Variants in TMCO4 observed in about 807,000 individuals in gnomAD.
TMCO4 encodes the protein transmembrane and coiled-coil domain-containing protein 4.
Under a neutral mutation model 64.7 loss-of-function variants are expected in TMCO4, and 58 were observed. The observed-to-expected ratio is 0.90, with a 90% CI of 0.73 to 1.12. The LOEUF (loss-of-function observed/expected upper bound fraction) is 1.12. Among genes scored for constraint, TMCO4 ranks in the 50% most tolerant of loss-of-function variants. The pLI, the probability that TMCO4 is intolerant of heterozygous loss-of-function variation, is 0.00. For synonymous variants in TMCO4, 325 were observed against 346.1 expected, an observed-to-expected ratio of 0.94 and a Z score of 0.68; for missense variants, 780 against 825.9, an observed-to-expected ratio of 0.94 and a Z score of 0.68.
chr1:19,740,503 G>T (rs1364121666), intron 11 of TMCO4, among the ~76,000 whole-genome samples: 1 of 152,180 alleles, frequency 6.6e-6, no homozygotes, highest in East Asian at 1.9e-4. Context: ...CCAGCCTCCT[G>T]AGCTATTACA....
At chr1:19,757,419 A>G (rs1184230491) in intron 6 of TMCO4, among the ~76,000 whole-genome samples, 1 of 151,274 alleles carries the variant, frequency 6.6e-6, no homozygotes, top group Non-Finnish European at 1.5e-5. Flanking sequence ...TCTCCCTTTT[A>G]TGAAGACCTT....
chr1:19,764,435 C>T (rs1259079478), intron 6 of TMCO4, among the ~76,000 whole-genome samples: 1 of 152,256 alleles, frequency 6.6e-6, no homozygotes, highest in Admixed American at 6.5e-5. Flanking sequence ...AGTAGGCACT[C>T]AACGAGCATG....
chr1:19,780,587 C>CG lies in TMCO4; in HGVS notation c.171dup (p.Glu58ArgfsTer21). ...CAAGACAGAAGAACTCACCTGTGTT[C>CG]GGGTTCAGGAAATAACTGGGACAGG... On this transcript the variant is annotated frameshift_variant, in exon 4 of 16. Coordinates refer to ENST00000294543, the MANE Select transcript of TMCO4 (RefSeq NM_181719.7). LOFTEE classifies it high-confidence loss of function. 1 of 1,598,120 alleles carries CG rather than the reference C, an allele frequency of 6.3e-7. No homozygotes were observed. Among genetic ancestry groups the CG allele is most frequent in the Non-Finnish European group, 8.5e-7 (1 of 1,173,138 alleles).
intron 13 of TMCO4, among the ~76,000 whole-genome samples, chr1:19,710,631 G>T (rs1478538376): frequency 6.6e-6 from 1 of 152,192 alleles, no homozygotes; most frequent in Admixed American, 6.5e-5. Flanking sequence ...AAGTGGCATG[G>T]TGGAATTTGG....
At chr1:19,687,523 T>C (rs1408742009) in intron 15 of TMCO4, among the ~76,000 whole-genome samples, 1 of 152,196 alleles carries the variant, frequency 6.6e-6, no homozygotes, top group Non-Finnish European at 1.5e-5. Context: ...TGAGTTCCCT[T>C]ACCTTAGTTT....
intron 13 of TMCO4, among the ~76,000 whole-genome samples, chr1:19,735,323 G>A (rs1352428022): frequency 6.6e-6 from 1 of 152,198 alleles, no homozygotes; most frequent in African/African-American, 2.4e-5. Flanking sequence ...TGAGGAAGCT[G>A]AGGCCCAGAG....
At chr1:19,747,396 TTGAGCCCAC>T in intron 7 of TMCO4, 136 bp from the exon 8 acceptor site, 1 of 751,776 alleles carries the variant, frequency 1.3e-6, no homozygotes, top group East Asian at 2.6e-5. Context: ...CAAAGTCACC[TTGAGCCCAC>T]TGATGGTTTA....
Position 19,721,525 on chromosome 1 carries a change from A to G in TMCO4, c.1264+15847T>C, listed in dbSNP as rs146915529. ...ATTTAGTGGCCAGGCGCGGGGGCTC[A>G]TGCCTGTAATCCTAGCACTTTGGGA... On this transcript the variant is annotated intron_variant, in intron 13 of 15. Coordinates refer to ENST00000294543, the MANE Select transcript of TMCO4 (RefSeq NM_181719.7). 5.3e-3 allele frequency among the ~76,000 whole-genome samples: 808 copies of G among 152,300 alleles called. 4 individuals carry two copies. Among genetic ancestry groups the G allele is most frequent in the African/African-American group, 0.018 (760 of 41,556 alleles).
chr1:19,695,448 T>C (rs1241276202), intron 14 of TMCO4, among the ~76,000 whole-genome samples: 1 of 152,220 alleles, frequency 6.6e-6, no homozygotes, highest in African/African-American at 2.4e-5. Context: ...TGTTCTCCCC[T>C]CTGCACCCCA....
chr1:19,706,180 TAA>T (rs1457777673), intron 13 of TMCO4, among the ~76,000 whole-genome samples: 1 of 151,984 alleles, frequency 6.6e-6, no homozygotes, highest in Non-Finnish European at 1.5e-5. Flanking sequence ...CTGGGATTTA[TAA>T]GAGTGAGCCA....
chr1:19,797,641 C>A (rs898243343), intron 2 of TMCO4, among the ~76,000 whole-genome samples: 2 of 151,940 alleles, frequency 1.3e-5, no homozygotes, highest in African/African-American at 4.8e-5. Flanking sequence ...GAGGCTGAGG[C>A]GGGCAGATCA....
intron 2 of TMCO4, among the ~76,000 whole-genome samples, chr1:19,789,814 A>G (rs1432010501): frequency 6.6e-6 from 1 of 152,120 alleles, no homozygotes; most frequent in Admixed American, 6.5e-5. Context: ...GCACTTTGGG[A>G]GGCCGAGGCA....
chr1:19,740,152 T>G (rs1330628342), intron 11 of TMCO4, among the ~76,000 whole-genome samples, 192 bp from the exon 12 acceptor site: 1 of 152,214 alleles, frequency 6.6e-6, no homozygotes, highest in Non-Finnish European at 1.5e-5. Context: ...CAATCCCTTC[T>G]GCTCAAGCCC....
At chr1:19,755,847 C>A in intron 6 of TMCO4, 81 bp from the exon 7 acceptor site, 1 of 1,555,294 alleles carries the variant, frequency 6.4e-7, no homozygotes, top group Non-Finnish European at 8.8e-7. Context: ...CTGATAAAAC[C>A]CACACTAGAA....
intron 4 of TMCO4, among the ~76,000 whole-genome samples, chr1:19,777,112 T>G (rs983996891): frequency 1.3e-5 from 2 of 151,526 alleles, no homozygotes; most frequent in African/African-American, 4.8e-5. Flanking sequence ...ACCTGCAGGT[T>G]GGGCACGTGA....
intron 13 of TMCO4, among the ~76,000 whole-genome samples, chr1:19,727,233 C>T (rs892107444): frequency 1.3e-5 from 2 of 152,212 alleles, no homozygotes; most frequent in Non-Finnish European, 2.9e-5. Flanking sequence ...TAGAGATGGT[C>T]TCCATGTTAG....
At chr1:19,696,321 G>T (rs2095236654) in intron 14 of TMCO4, among the ~76,000 whole-genome samples, 1 of 152,118 alleles carries the variant, frequency 6.6e-6, no homozygotes, top group African/African-American at 2.4e-5. Flanking sequence ...AGGCTGAGGT[G>T]GGAGGATTGC....
chr1:19,764,282 T>C (rs575120061), intron 6 of TMCO4, among the ~76,000 whole-genome samples: 1 of 152,332 alleles, frequency 6.6e-6, no homozygotes, highest in African/African-American at 2.4e-5. Flanking sequence ...ACTTTCCAGC[T>C]TGGGCAGGCA....
rs757025558 is a variant in TMCO4 at position 19,699,999 on chromosome 1, C to A, written c.1382+769G>T. ...AACCCAGGCCTGTGTGCTTCCAAAT[C>A]AAGAGCCTTAAACACTGTTGCTCTG... On this transcript the variant is annotated intron_variant, in intron 14 of 15. Coordinates refer to ENST00000294543, the MANE Select transcript of TMCO4 (RefSeq NM_181719.7). Among the ~76,000 whole-genome samples, 5 of 152,176 alleles carry A rather than the reference C, an allele frequency of 3.3e-5. No individual in the cohort carries two copies. The South Asian group carries it at 6.2e-4, about 19-fold the overall frequency.
Sources: allele counts gnomAD v4.1 joint callset (sites outside exome capture counted in the v4.1 genomes callset), GRCh38; gene constraint gnomAD v4.1.1; transcripts MANE v1.5; gene names NCBI Gene and HGNC (gene_info 2026-07-23, HGNC 2026-07-21).